The following PLEKHA6 variants were observed in gnomAD, a reference collection of about 807,000 sequenced individuals.
PLEKHA6 encodes the protein pleckstrin homology domain-containing family A member 6.
A neutral mutation model predicts 116.7 loss-of-function variants in PLEKHA6; 60 were observed. The ratio of observed to expected loss-of-function variants is 0.51; its 90% confidence interval spans 0.42 to 0.64. The LOEUF (loss-of-function observed/expected upper bound fraction) is 0.64. Ranked by LOEUF, PLEKHA6 falls within the 30% of genes least tolerant of loss-of-function variation. The probability of loss-of-function intolerance (pLI) is 0.00; values close to 1 mark genes in which losing one functional copy is unlikely to be tolerated. For missense variants in PLEKHA6, 1,338 were observed against 1,422.7 expected, an observed-to-expected ratio of 0.94 and a Z score of 0.96; for synonymous variants, 489 against 556.1, an observed-to-expected ratio of 0.88 and a Z score of 1.70.
At position 204,319,485 on chromosome 1, in the gene PLEKHA6, A is replaced by AATTGTGACACAATTG. The variant is rs541019733; in HGVS notation, c.-95+40208_-95+40209insCAATTGTGTCACAAT. ...TACTCATTGTCACAACTGTGTGAAC[A>AATTGTGACACAATTG]TAAGCGAGGGAGGATCCCATTAAGG... is the stretch of plus-strand genomic sequence containing the variant. On this transcript the variant is annotated intron_variant, in intron 1 of 22. Coordinates refer to ENST00000272203, the MANE Select transcript of PLEKHA6 (RefSeq NM_014935.5). 1.8e-3 allele frequency among the ~76,000 whole-genome samples: 269 copies of AATTGTGACACAATTG among 152,356 alleles called. 1 individual carries two copies. The highest frequency in any genetic ancestry group is 6.1e-3 in the African/African-American group (253 of 41,578).
chr1:204,343,051 T>C (rs1017942764), intron 1 of PLEKHA6, among the ~76,000 whole-genome samples: 1 of 152,182 alleles, frequency 6.6e-6, no homozygotes, highest in Non-Finnish European at 1.5e-5. Flanking sequence ...ACCTTCCCTC[T>C]AACTCAGATC....
At chr1:204,226,674 C>G (rs1188643270) in intron 21 of PLEKHA6, among the ~76,000 whole-genome samples, 3 of 152,144 alleles carry the variant, frequency 2.0e-5, no homozygotes, top group Non-Finnish European at 4.4e-5. Context: ...CAGCCTCTCC[C>G]TGAAATACCT....
At chr1:204,248,059 G>T (rs72749775) in intron 12 of PLEKHA6, among the ~76,000 whole-genome samples, 1 of 151,962 alleles carries the variant, frequency 6.6e-6, no homozygotes, top group Non-Finnish European at 1.5e-5. Flanking sequence ...ACACTTTCAC[G>T]GGGCTTTTTC....
At chr1:204,279,474 G>C (rs913021361) in intron 1 of PLEKHA6, among the ~76,000 whole-genome samples, 1 of 152,220 alleles carries the variant, frequency 6.6e-6, no homozygotes, top group Non-Finnish European at 1.5e-5. Flanking sequence ...AACAAGGACA[G>C]GTAATCCGTT....
At chr1:204,274,507 G>T in intron 2 of PLEKHA6, 2 of 674,042 alleles carry the variant, frequency 3.0e-6, no homozygotes, top group Non-Finnish European at 3.7e-6. Context: ...CCTGTGGGGT[G>T]CACCACCCTG....
At chr1:204,357,582 C>T (rs528516207) in intron 1 of PLEKHA6, among the ~76,000 whole-genome samples, 20 of 152,334 alleles carry the variant, frequency 1.3e-4, no homozygotes, top group Non-Finnish European at 2.5e-4. Context: ...CAGGGGAGTG[C>T]GAATCCTGCA....
At chr1:204,349,380 A>G (rs1287098638) in intron 1 of PLEKHA6, among the ~76,000 whole-genome samples, 1 of 152,122 alleles carries the variant, frequency 6.6e-6, no homozygotes, top group East Asian at 1.9e-4. Context: ...CTCTACTAAA[A>G]GTACAAAAAA....
chr1:204,257,983 G>T lies in PLEKHA6; in HGVS notation c.1008-114C>A. 1.1e-6 allele frequency: 1 copy of T among 877,610 alleles called. No homozygotes were observed. The allele number at this position is 877,610 out of a possible 1,614,324, so 54.4% of individuals were successfully genotyped here. On this transcript the variant is annotated intron_variant, in intron 8 of 22. Coordinates refer to ENST00000272203, the MANE Select transcript of PLEKHA6 (RefSeq NM_014935.5). The surrounding 1 kb of genome is among the most constrained non-coding windows in gnomAD (Gnocchi z 6.5). ...AGCAGGGTGCTTGAATAGGTACACAGGGGCTGAGGTTTATTCCAGAGATGA... is the reference window on the plus strand; with the variant it reads ...AGCAGGGTGCTTGAATAGGTACACATGGGCTGAGGTTTATTCCAGAGATGA...
intron 3 of PLEKHA6, among the ~76,000 whole-genome samples, chr1:204,268,990 C>T (rs748359675): frequency 2.0e-5 from 3 of 152,156 alleles, no homozygotes; most frequent in Non-Finnish European, 4.4e-5. Context: ...AGGAGCATGA[C>T]CCATCAATGC....
intron 17 of PLEKHA6, among the ~76,000 whole-genome samples, chr1:204,236,993 C>A (rs890165866): frequency 6.6e-6 from 1 of 152,156 alleles, no homozygotes; most frequent in African/African-American, 2.4e-5. Flanking sequence ...AGACCTCTGG[C>A]CTTTTACCAG....
rs5780220 is a variant in PLEKHA6, at chr1:204,244,306, ATTTTT to A, written c.2172+553_2172+557del. 2.8e-5 allele frequency among the ~76,000 whole-genome samples: 4 copies of A among 141,344 alleles called. No individual in the cohort carries two copies. In the East Asian group the frequency reaches 8.1e-4, roughly 29 times the overall value. The allele number at this position is 141,344 out of a possible 152,430, so 92.7% of individuals were successfully genotyped here. A position where few individuals can be genotyped will look rare whatever the true frequency, so the allele number is the denominator to read the frequency against. ...GCCACCACGCTCAGCTAATTTTTGT[ATTTTT>A]TTTTTTTTTTTAGTAAAGATGGGGT... On this transcript the variant is annotated intron_variant, in intron 15 of 22. Transcript: ENST00000272203.
In PLEKHA6 at chr1:204,229,106, T is replaced by A; in HGVS notation, c.2584-2A>T. 1 of 1,611,330 alleles carries A rather than the reference T, an allele frequency of 6.2e-7. No individual in the cohort carries two copies. Among genetic ancestry groups the A allele is most frequent in the Non-Finnish European group, 8.5e-7 (1 of 1,179,578 alleles). On this transcript the variant is annotated splice_acceptor_variant, in intron 18 of 22. Transcript: ENST00000272203. LOFTEE classifies it high-confidence loss of function. ...ATGGATGCTGCGGTGGCGGCGCACC[T>A]AGGGGACAGCAGCATCGTGATTGCA...
At chr1:204,324,448 A>G (rs1672172540) in intron 1 of PLEKHA6, among the ~76,000 whole-genome samples, 1 of 151,968 alleles carries the variant, frequency 6.6e-6, no homozygotes, top group South Asian at 2.1e-4. Context: ...GCAATAGGAA[A>G]CTCCAGCTCT....
At chr1:204,237,721 C>T (rs1558035813) in intron 17 of PLEKHA6, among the ~76,000 whole-genome samples, 1 of 152,226 alleles carries the variant, frequency 6.6e-6, no homozygotes, top group Non-Finnish European at 1.5e-5. Context: ...CAACAATATA[C>T]CTTTACTGTC....
chr1:204,355,779 G>A (rs1199891467), intron 1 of PLEKHA6, among the ~76,000 whole-genome samples: 1 of 152,118 alleles, frequency 6.6e-6, no homozygotes, highest in Non-Finnish European at 1.5e-5. Context: ...TGCCTTTTAA[G>A]AAAAGCCAAA....
rs367913340 is a variant in PLEKHA6, at chr1:204,359,066, C to T, written c.-95+628G>A. 2.0e-5 allele frequency among the ~76,000 whole-genome samples: 3 copies of T among 151,990 alleles called. No homozygotes were observed. The East Asian group carries it at 5.8e-4, about 29-fold the overall frequency. ...CAGCCTGGTCCCATCATTATAAATG[C>T]CATCCCCTCATTCCCTGCCCTCCTC... On this transcript the variant is annotated intron_variant, in intron 1 of 22. Transcript: ENST00000272203.
Position 204,257,867 on chromosome 1 carries a change from G to A in PLEKHA6, c.1010C>T (p.Pro337Leu), listed in dbSNP as rs1665567762. ...GCGAGACACAGGATAGAACCTAGAG[G>A]GACTGAGAGAGAGGGGACATTGTAA... is the stretch of plus-strand genomic sequence containing the variant. The part of the protein sequence containing the change: ...GVPPPEDLRS[P>L]SRFYPVSRRV... Residue 337 changes from proline to leucine, a missense_variant and splice_region_variant, in exon 9 of 23, where the codon CCC (proline) becomes CTC (leucine). Transcript: ENST00000272203. This position sits in a 1 kb window ranked among gnomAD's most constrained non-coding sequence, Gnocchi z 6.5. 8.8e-6 allele frequency: 14 copies of A among 1,598,414 alleles called. No homozygotes were observed. Among genetic ancestry groups the A allele is most frequent in the Non-Finnish European group, 1.2e-5 (14 of 1,168,562 alleles).
At chr1:204,289,192 A>C (rs1669498554) in intron 1 of PLEKHA6, among the ~76,000 whole-genome samples, 1 of 152,194 alleles carries the variant, frequency 6.6e-6, no homozygotes, top group Non-Finnish European at 1.5e-5. Flanking sequence ...GGAACTCAAT[A>C]AGCCTATATT....
intron 1 of PLEKHA6, among the ~76,000 whole-genome samples, chr1:204,310,030 A>AT (rs948698218): frequency 7.9e-5 from 12 of 151,250 alleles, no homozygotes; most frequent in African/African-American, 1.9e-4. Context: ...TCTCCTTTTG[A>AT]TTTTTTTTTC....
Sources: gnomAD v4.1 joint callset for allele counts (sites outside exome capture counted in the v4.1 genomes callset) on GRCh38, gnomAD v4.1.1 for gene constraint, Gnocchi (gnomAD v3.1) non-coding constraint, MANE v1.5 for transcripts, NCBI Gene and HGNC (gene_info 2026-07-23, HGNC 2026-07-21) for gene names.